Variants in HHIPL1 observed in about 807,000 individuals in gnomAD.
HHIPL1 encodes HHIP-like protein 1.
Under a neutral mutation model 61.8 loss-of-function variants are expected in HHIPL1, and 43 were observed. The observed-to-expected ratio is 0.70, with a 90% CI of 0.55 to 0.90. The LOEUF (loss-of-function observed/expected upper bound fraction) is 0.90. Among genes scored for constraint, HHIPL1 ranks in the 40% least tolerant of loss-of-function variants. The probability of loss-of-function intolerance (pLI) is 0.00; values close to 1 mark genes in which losing one functional copy is unlikely to be tolerated. For missense variants in HHIPL1, 1,056 were observed against 1,157.7 expected, an observed-to-expected ratio of 0.91 and a Z score of 1.28; for synonymous variants, 482 against 515.8, an observed-to-expected ratio of 0.93 and a Z score of 0.89.
At chr14:99,643,419 A>C (rs1411304016), upstream of HHIPL1, among the ~76,000 whole-genome samples, 1 of 152,152 alleles carries the variant, frequency 6.6e-6, no homozygotes, top group African/African-American at 2.4e-5. Flanking sequence ...TAGATAACAG[A>C]AACCGAGGTA....
chr14:99,659,850 C>CCT, intron 4 of HHIPL1, 94 bp downstream of exon 4: 1 of 548,860 alleles, frequency 1.8e-6, no homozygotes, highest in Non-Finnish European at 2.7e-6. Context: ...GACCGCACCC[C>CCT]CCCCCCCCCG....
chr14:99,675,428 G>A lies in HHIPL1; in HGVS notation c.2151G>A (p.Gly717=). The change falls in exon 9 of 9, where the codon GGG becomes GGA. Residue 717 remains glycine (G), a synonymous_variant. Transcript: ENST00000330710. The surrounding 1 kb of genome is among the most constrained non-coding windows in gnomAD (Gnocchi z 5.4). ...SGAAVVCRQL[G]FAYAVRAVKR... is the part of the protein sequence containing the mutation. The stretch of plus-strand genomic sequence containing the variant: ...CCGCCGTCGTGTGTCGCCAGCTGGG[G>A]TTTGCCTACGCCGTGCGCGCCGTCA... The A allele has an allele frequency of 6.5e-7, 1 of 1,534,456 alleles. No homozygotes were observed. Among genetic ancestry groups the A allele is most frequent in the Non-Finnish European group, 8.7e-7 (1 of 1,144,052 alleles).
intron 1 of HHIPL1, among the ~76,000 whole-genome samples, chr14:99,650,427 G>A (rs1307061480): frequency 6.6e-6 from 1 of 152,246 alleles, no homozygotes; most frequent in East Asian, 1.9e-4. Context: ...GTCACAGATA[G>A]AAAGAATGAC....
Position 99,664,226 on chromosome 14 carries a change from G to A in HHIPL1, c.1648+1205G>A, listed in dbSNP as rs2056203444. Among the ~76,000 whole-genome samples the A allele has an allele frequency of 2.0e-5, 3 of 152,178 alleles. No individual in the cohort carries two copies. In the South Asian group the frequency reaches 6.2e-4, roughly 32 times the overall value. ...CGCCCACCCAGGGGCCTTTGGAGGGGTGTCCCCTGCCCGGCTCAGTGCCCA... is the reference window on the plus strand; with the variant it reads ...CGCCCACCCAGGGGCCTTTGGAGGGATGTCCCCTGCCCGGCTCAGTGCCCA... On this transcript the variant is annotated intron_variant, in intron 6 of 8. Transcript: ENST00000330710.
At chr14:99,654,971 G>A (rs958376299) in intron 2 of HHIPL1, among the ~76,000 whole-genome samples, 2 of 152,198 alleles carry the variant, frequency 1.3e-5, no homozygotes, top group African/African-American at 4.8e-5. Flanking sequence ...ATTTCAGAGT[G>A]GGGGCTCAGC....
At chr14:99,659,823 G>A in intron 4 of HHIPL1, 67 bp downstream of exon 4, 4 of 805,690 alleles carry the variant, frequency 5.0e-6, no homozygotes, top group Non-Finnish European at 4.6e-6. Context: ...CTGCTGTGCC[G>A]CAGGGCCTCC....
At chr14:99,623,149 G>A in the HHIPL1 span, among the ~76,000 whole-genome samples, 14 of 152,200 alleles carry the variant, frequency 9.2e-5, no homozygotes, top group African/African-American at 2.7e-4. Flanking sequence ...ATGCTCACAC[G>A]TGCTAAGTTC....
chr14:99,629,124 C>T, the HHIPL1 span, among the ~76,000 whole-genome samples: 1 of 152,184 alleles, frequency 6.6e-6, no homozygotes, highest in African/African-American at 2.4e-5. Flanking sequence ...GATCACGTGC[C>T]AGGCACTGCG....
chr14:99,632,730 C>T, the HHIPL1 span, among the ~76,000 whole-genome samples: 1 of 152,170 alleles, frequency 6.6e-6, no homozygotes, highest in Middle Eastern at 3.2e-3. Context: ...AGCGTTAAGA[C>T]TGAAGTCTCT....
chr14:99,614,400 C>A, the HHIPL1 span, among the ~76,000 whole-genome samples: 7 of 152,180 alleles, frequency 4.6e-5, no homozygotes, highest in African/African-American at 7.2e-5. Context: ...CCTGAACTCA[C>A]AGAGCCCCTG....
chr14:99,622,503 G>A, the HHIPL1 span, among the ~76,000 whole-genome samples: 45 of 152,328 alleles, frequency 3.0e-4, no homozygotes, highest in African/African-American at 7.7e-4. Context: ...CTCTGGCACC[G>A]ACGCCCTGTC....
intron 2 of HHIPL1, among the ~76,000 whole-genome samples, chr14:99,654,547 A>C (rs1164497626): frequency 1.3e-5 from 2 of 152,184 alleles, no homozygotes; most frequent in Non-Finnish European, 2.9e-5. Flanking sequence ...CGTTCATAGG[A>C]GCTGACCCCC....
At chr14:99,644,238 G>A (rs566620108), upstream of HHIPL1, among the ~76,000 whole-genome samples, 56 of 152,266 alleles carry the variant, frequency 3.7e-4, no homozygotes, top group Middle Eastern at 3.4e-3. Flanking sequence ...GTGTGCGTTG[G>A]GGCCATGAAG....
chr14:99,608,777 C>G, the HHIPL1 span, among the ~76,000 whole-genome samples: 22 of 152,336 alleles, frequency 1.4e-4, no homozygotes, highest in Non-Finnish European at 2.9e-4. Flanking sequence ...CTCACTGATG[C>G]GGTAAGAACC....
At chr14:99,664,169 C>T (rs1566814487) in intron 6 of HHIPL1, among the ~76,000 whole-genome samples, 1 of 152,126 alleles carries the variant, frequency 6.6e-6, no homozygotes, top group East Asian at 1.9e-4. Context: ...CCCAGTGGGC[C>T]CTAATGGATG....
chr14:99,646,006 G>A lies in HHIPL1; in HGVS notation c.255+544G>A, dbSNP rs112282126. ...CCATCCTGATGCCCTTGCCACTTCC[G>A]CCACCACCTCTGTGGGTGCTGTGCC... is the stretch of plus-strand genomic sequence containing the variant. On this transcript the variant is annotated intron_variant, in intron 1 of 8. Transcript: ENST00000330710. Among the ~76,000 whole-genome samples the A allele has an allele frequency of 1.9e-3, 296 of 152,338 alleles. 1 individual carries two copies. Among genetic ancestry groups the A allele is most frequent in the African/African-American group, 6.9e-3 (285 of 41,584 alleles).
At chr14:99,621,849 G>C in the HHIPL1 span, among the ~76,000 whole-genome samples, 2 of 150,140 alleles carry the variant, frequency 1.3e-5, no homozygotes, top group Non-Finnish European at 3.0e-5. Context: ...CCAAGTAGCT[G>C]GGACCACAGG....
At chr14:99,639,107 C>T in the HHIPL1 span, among the ~76,000 whole-genome samples, 2 of 152,382 alleles carry the variant, frequency 1.3e-5, no homozygotes, top group East Asian at 1.9e-4. Flanking sequence ...GGGAGCTCAA[C>T]AGCCGGGCCC....
At chr14:99,618,182 G>A in the HHIPL1 span, among the ~76,000 whole-genome samples, 1 of 152,172 alleles carries the variant, frequency 6.6e-6, no homozygotes, top group Non-Finnish European at 1.5e-5. Flanking sequence ...GGTTGCCCTA[G>A]AGAGGGGACA....
Sources: gnomAD v4.1 joint callset for allele counts (sites outside exome capture counted in the v4.1 genomes callset) on GRCh38, gnomAD v4.1.1 for gene constraint, Gnocchi (gnomAD v3.1) non-coding constraint, MANE v1.5 for transcripts, NCBI Gene and HGNC (gene_info 2026-07-23, HGNC 2026-07-21) for gene names.